ASGR1: variants seen among roughly 807,000 people sequenced by gnomAD.
The protein encoded by ASGR1 is C-type lectin domain family 4 member H1.
ASGR1 carries 35 observed loss-of-function variants against 33.1 expected under a neutral mutation model. The observed-to-expected ratio is 1.06, with a 90% CI of 0.81 to 1.40. The LOEUF (loss-of-function observed/expected upper bound fraction) is 1.40, where lower values mean the gene tolerates loss of function less well. Ranked by LOEUF, ASGR1 falls within the 40% of genes most tolerant of loss-of-function variation. The pLI is 0.00. For synonymous variants in ASGR1, 142 were observed against 152.5 expected (o/e 0.93, Z 0.51); for missense variants, 396 against 373.7 (o/e 1.06, Z -0.49).
intron 5 of ASGR1, among the ~76,000 whole-genome samples, chr17:7,175,349 C>A (rs907959545): frequency 1.3e-5 from 2 of 148,232 alleles, no homozygotes; most frequent in Admixed American, 1.3e-4. Context: ...TTCACCCACA[C>A]ACACACACAA....
At chr17:7,178,391 C>A in intron 2 of ASGR1, 103 bp downstream of exon 2, 1 of 1,229,180 alleles carries the variant, frequency 8.1e-7, no homozygotes, top group Non-Finnish European at 1.2e-6. Context: ...GGAGACAGAC[C>A]CAGAGAGAGA....
intron 2 of ASGR1, chr17:7,178,191 C>T: frequency 4.8e-6 from 2 of 419,072 alleles, no homozygotes; most frequent in Non-Finnish European, 8.8e-6. Context: ...GGCGTGACTT[C>T]GTCATAGGAA....
At chr17:7,176,379 CACTCAG>C in intron 5 of ASGR1, among the ~76,000 whole-genome samples, 1 of 146,354 alleles carries the variant, frequency 6.8e-6, no homozygotes, top group African/African-American at 2.5e-5. Context: ...CTCATTCTTA[CACTCAG>C]ACTCACACAC....
At chr17:7,175,906 C>A (rs1262954043) in intron 5 of ASGR1, among the ~76,000 whole-genome samples, 4 of 149,608 alleles carry the variant, frequency 2.7e-5, no homozygotes, top group Admixed American at 2.7e-4. Flanking sequence ...CTCATTCTCA[C>A]ACTCACAGAC....
At chr17:7,176,451 TC>T (rs1242109688) in intron 5 of ASGR1, among the ~76,000 whole-genome samples, 2 of 138,100 alleles carry the variant, frequency 1.4e-5, no homozygotes, top group Non-Finnish European at 3.1e-5. Flanking sequence ...TCACACACAC[TC>T]CCTCTCATTC....
In ASGR1 at chr17:7,173,650, A is replaced by T; in HGVS notation, c.*9T>A. 1 of 1,612,718 alleles carries T rather than the reference A, an allele frequency of 6.2e-7. No homozygotes were observed. The highest frequency in any genetic ancestry group is 8.5e-7 in the Non-Finnish European group (1 of 1,180,026). ...CCCCTGCGGCAGGTCGAGGCATTGAAGAAATAAATTAAAGGAGAGGTGGCT... is the reference window on the plus strand; with the variant it reads ...CCCCTGCGGCAGGTCGAGGCATTGATGAAATAAATTAAAGGAGAGGTGGCT... On this transcript the variant is annotated 3_prime_UTR_variant, in exon 9 of 9. Transcript: ENST00000269299. This position sits in a 1 kb window ranked among gnomAD's most constrained non-coding sequence, Gnocchi z 4.7.
At chr17:7,176,166 C>T (rs2069201928) in intron 5 of ASGR1, among the ~76,000 whole-genome samples, 1 of 149,860 alleles carries the variant, frequency 6.7e-6, no homozygotes, top group African/African-American at 2.5e-5. Context: ...CACAGACACA[C>T]ACCCCATCTC....
In ASGR1 at chr17:7,178,483, G is replaced by A; in HGVS notation, c.70+11C>T. ...TCTCGCCTTGCAGAGGCAGGGCAAGGTGGCCCTCACCTTTTCTGAGCTGAT... is the reference window on the plus strand; with the variant it reads ...TCTCGCCTTGCAGAGGCAGGGCAAGATGGCCCTCACCTTTTCTGAGCTGAT... On this transcript the variant is annotated intron_variant, in intron 2 of 8. Transcript: ENST00000269299. 6.2e-7 allele frequency: 1 copy of A among 1,613,568 alleles called. No homozygotes were observed. Among genetic ancestry groups the A allele is most frequent in the Non-Finnish European group, 8.5e-7 (1 of 1,179,472 alleles).
intron 2 of ASGR1, 72 bp from the exon 3 acceptor site, chr17:7,177,398 G>T: frequency 1.5e-6 from 2 of 1,303,946 alleles, no homozygotes; most frequent in Non-Finnish European, 2.2e-6. Context: ...TCCTAAAAGG[G>T]TAGCAAGCTA....
intron 5 of ASGR1, chr17:7,176,545 A>C (rs2069213784): frequency 4.0e-6 from 2 of 496,168 alleles, no homozygotes; most frequent in African/African-American, 2.2e-5. Context: ...ACACCATCTC[A>C]TTCTCACACA....
chr17:7,176,539 C>CA (rs2069213646), intron 5 of ASGR1: 7 of 386,616 alleles, frequency 1.8e-5, no homozygotes, highest in African/African-American at 3.9e-5. Context: ...ACACACACAC[C>CA]ATCTCATTCT....
Position 7,176,825 on chromosome 17 carries a change from C to T in ASGR1, c.355+5G>A, listed in dbSNP as rs552746466. On this transcript the variant is annotated splice_donor_5th_base_variant and intron_variant, in intron 5 of 8. Coordinates refer to ENST00000269299, the MANE Select transcript of ASGR1 (RefSeq NM_001671.5). Reference sequence around the variant, plus strand: ...ACACACACACACACACACTCCCTCTCTGACCTTCACTCAGGTCCTTCTGCT... The same window carrying T: ...ACACACACACACACACACTCCCTCTTTGACCTTCACTCAGGTCCTTCTGCT... The T allele has an allele frequency of 6.2e-7, 1 of 1,612,320 alleles. No individual in the cohort carries two copies. Among genetic ancestry groups the T allele is most frequent in the South Asian group, 1.1e-5 (1 of 91,076 alleles).
intron 5 of ASGR1, among the ~76,000 whole-genome samples, chr17:7,175,685 A>G (rs187754199): frequency 4.6e-5 from 7 of 151,062 alleles, no homozygotes; most frequent in Non-Finnish European, 7.4e-5. Flanking sequence ...TCACATTCGC[A>G]CACACACCCA....
intron 1 of ASGR1, 138 bp from the exon 2 acceptor site, chr17:7,178,726 TTTTTTTCTTTTC>T (rs940437361): frequency 1.1e-3 from 487 of 461,206 alleles, no homozygotes; most frequent in Non-Finnish European, 1.3e-3. Flanking sequence ...TTCTTTTTCT[TTTTTTTCTTTTC>T]TTTTTTTTTT....
Position 7,176,792 on chromosome 17 carries a change from T to A in ASGR1, c.355+38A>T, listed in dbSNP as rs112728434. ...CACATCCACACATTCTCACTCTCTT[T>A]CACACACACACACACACACACACAC... is the stretch of plus-strand genomic sequence containing the variant. On this transcript the variant is annotated intron_variant, in intron 5 of 8. Coordinates refer to ENST00000269299, the MANE Select transcript of ASGR1 (RefSeq NM_001671.5). 2.6e-5 allele frequency: 38 copies of A among 1,475,038 alleles called. No individual in the cohort carries two copies. In the African/African-American group the frequency reaches 4.4e-4, roughly 17 times the overall value. The allele number at this position is 1,475,038 out of a possible 1,614,324, so 91.4% of individuals were successfully genotyped here. A position where few individuals can be genotyped will look rare whatever the true frequency, so the allele number is the denominator to read the frequency against.
chr17:7,176,255 TCA>T (rs1231306131), intron 5 of ASGR1, among the ~76,000 whole-genome samples: 1 of 127,378 alleles, frequency 7.9e-6, no homozygotes, highest in Non-Finnish European at 1.6e-5. Flanking sequence ...ACACCCCATC[TCA>T]TTCTCACACT....
chr17:7,178,450 C>A (rs761550199), intron 2 of ASGR1, 44 bp downstream of exon 2: 1 of 1,589,678 alleles, frequency 6.3e-7, no homozygotes, highest in South Asian at 1.1e-5. Flanking sequence ...GGTGGAGAAC[C>A]GCCAAATTCT....
Position 7,173,974 on chromosome 17 carries a change from C to T in ASGR1, c.688G>A (p.Glu230Lys), listed in dbSNP as rs753119514. ...PWKWVDGTDYETGFKNWRPEQ... is the reference protein window; with the variant it reads ...PWKWVDGTDYKTGFKNWRPEQ... ...GCGCGCACTCACTTGAAGCCCGTCT[C>T]GTAGTCCGTCCCGTCCACCCACTTC... Residue 230 changes from glutamate (E) to lysine (K), a missense_variant, in exon 8 of 9, where the codon GAG (glutamate) becomes AAG (lysine). Physicochemically the swap from Glu to Lys is moderately conservative, Grantham distance 56 (BLOSUM62 1). Transcript: ENST00000269299. This position sits in a 1 kb window ranked among gnomAD's most constrained non-coding sequence, Gnocchi z 4.7. 8 of 1,614,090 alleles carry T rather than the reference C, an allele frequency of 5.0e-6. No homozygotes were observed. The African/African-American group carries it at 5.3e-5, about 11-fold the overall frequency.
chr17:7,178,319 C>T, intron 2 of ASGR1, 175 bp downstream of exon 2: 1 of 689,610 alleles, frequency 1.5e-6, no homozygotes, highest in Non-Finnish European at 2.5e-6. Context: ...GGGACTCCAA[C>T]CCCACACTCC....
Sources: allele counts gnomAD v4.1 joint callset (sites outside exome capture counted in the v4.1 genomes callset), GRCh38; gene constraint gnomAD v4.1.1; non-coding constraint Gnocchi (gnomAD v3.1); transcripts MANE v1.5; gene names NCBI Gene and HGNC (gene_info 2026-07-23, HGNC 2026-07-21).